TDRD3: variants seen among roughly 807,000 people sequenced by gnomAD.
TDRD3 encodes tudor domain containing 3.
Under a neutral mutation model 86.7 loss-of-function variants are expected in TDRD3, and 45 were observed. The ratio of observed to expected loss-of-function variants is 0.52; its 90% CI spans 0.41 to 0.67. The LOEUF (loss-of-function observed/expected upper bound fraction) is 0.67. TDRD3 is among the 30% of genes least tolerant of loss of function. The pLI, the probability that TDRD3 is intolerant of heterozygous loss-of-function variation, is 0.00. For missense variants in TDRD3, 814 were observed against 889.0 expected, an observed-to-expected ratio of 0.92 and a Z score of 1.07; for synonymous variants, 298 against 301.7, an observed-to-expected ratio of 0.99 and a Z score of 0.13.
intron 5 of TDRD3, among the ~76,000 whole-genome samples, chr13:60,475,520 T>C (rs1225499069): frequency 2.0e-5 from 3 of 152,210 alleles, no homozygotes; most frequent in Non-Finnish European, 2.9e-5. Context: ...ACTGATTCCA[T>C]GTCTTTGCTG....
chr13:60,528,970 G>A lies in TDRD3; in HGVS notation c.1745G>A (p.Ser582Asn), dbSNP rs1209135261. Reference protein sequence around the residue: ...TDYQNPVRSNSFIGVPNGEVE... With the variant: ...TDYQNPVRSNNFIGVPNGEVE... ...TATCAGAATCCAGTTCGAAGTAATA[G>A]TTTCATTGGTGTTCCAAATGGAGAA... The change falls in exon 11 of 14, where the codon AGT becomes AAT. Residue 582 changes from serine to asparagine, a missense_variant. Coordinates refer to ENST00000377881, the MANE Select transcript of TDRD3 (RefSeq NM_001146070.2). 1 of 1,613,882 alleles carries A rather than the reference G, an allele frequency of 6.2e-7. No homozygotes were observed. Among genetic ancestry groups the A allele is most frequent in the Admixed American group, 1.7e-5 (1 of 59,988 alleles).
intron 12 of TDRD3, 144 bp from the exon 13 acceptor site, chr13:60,567,381 C>T: frequency 2.2e-6 from 2 of 922,044 alleles, no homozygotes; most frequent in South Asian, 1.7e-5. Context: ...CTTCCCCTTG[C>T]CTCCCTCTGT....
intron 12 of TDRD3, among the ~76,000 whole-genome samples, chr13:60,562,595 CATGT>C (rs774254333): frequency 9.9e-5 from 15 of 152,096 alleles, no homozygotes; most frequent in Non-Finnish European, 2.2e-4. Flanking sequence ...ATAAGTGGTT[CATGT>C]ATGAATCACT....
chr13:60,478,456 C>T (rs1040225630), intron 5 of TDRD3, among the ~76,000 whole-genome samples: 1 of 151,900 alleles, frequency 6.6e-6, no homozygotes, highest in African/African-American at 2.4e-5. Flanking sequence ...AAGCCCGTGC[C>T]ACCACATGTG....
chr13:60,447,671 A>G (rs185836812), intron 3 of TDRD3, among the ~76,000 whole-genome samples: 110 of 152,244 alleles, frequency 7.2e-4, no homozygotes, highest in Middle Eastern at 3.4e-3. Flanking sequence ...GAATTCTACT[A>G]CTTGAGGTAG....
In TDRD3 at chr13:60,528,656, T is replaced by C. The variant is rs982090161; in HGVS notation, c.1431T>C (p.Tyr477=). 1.9e-6 allele frequency: 3 copies of C among 1,613,850 alleles called. No homozygotes were observed. Among genetic ancestry groups the C allele is most frequent in the African/African-American group, 2.7e-5 (2 of 74,908 alleles). ...RIKCDRPYSR[Y]DRTKDTSYPL... is the part of the protein sequence containing the mutation. ...AATGTGATAGACCGTATTCTAGATA[T>C]GACAGAACTAAAGATACTTCATATC... Residue 477 remains tyrosine, a synonymous_variant, in exon 11 of 14, where the codon TAT becomes TAC. Coordinates refer to ENST00000377881, the MANE Select transcript of TDRD3 (RefSeq NM_001146070.2).
intron 7 of TDRD3, among the ~76,000 whole-genome samples, chr13:60,492,994 C>T (rs1956626752): frequency 6.8e-6 from 1 of 145,996 alleles, no homozygotes; most frequent in Non-Finnish European, 1.5e-5. Flanking sequence ...TCTCGGCTCA[C>T]TGCAAGCTCC....
chr13:60,440,670 G>C (rs1955241857), intron 2 of TDRD3, among the ~76,000 whole-genome samples: 2 of 152,006 alleles, frequency 1.3e-5, no homozygotes, highest in South Asian at 2.1e-4. Flanking sequence ...AACAGAGTGA[G>C]ACTCTGTCTC....
intron 1 of TDRD3, among the ~76,000 whole-genome samples, chr13:60,430,850 A>G (rs970235582): frequency 9.2e-5 from 14 of 152,106 alleles, no homozygotes; most frequent in African/African-American, 3.1e-4. Flanking sequence ...TTTGTTGTTT[A>G]TTACCTATCT....
chr13:60,514,347 A>G (rs550491995), intron 10 of TDRD3, among the ~76,000 whole-genome samples: 1 of 152,326 alleles, frequency 6.6e-6, no homozygotes, highest in Non-Finnish European at 1.5e-5. Context: ...ACATGATAAA[A>G]GTTTGGAAAA....
chr13:60,453,375 T>C (rs930867398), intron 3 of TDRD3, among the ~76,000 whole-genome samples: 3 of 152,242 alleles, frequency 2.0e-5, no homozygotes, highest in African/African-American at 7.2e-5. Context: ...TCTACTTAGA[T>C]AAATCTGGTT....
At chr13:60,436,495 T>G (rs560004892) in intron 1 of TDRD3, among the ~76,000 whole-genome samples, 24 of 152,286 alleles carry the variant, frequency 1.6e-4, no homozygotes, top group African/African-American at 5.8e-4. Context: ...ACATGTGGCT[T>G]GCCAGTTTTC....
At chr13:60,404,182 C>T (rs1217575045) in intron 1 of TDRD3, among the ~76,000 whole-genome samples, 1 of 152,134 alleles carries the variant, frequency 6.6e-6, no homozygotes, top group African/African-American at 2.4e-5. Context: ...AAGGAAAAAA[C>T]AAGGCACTGT....
chr13:60,570,249 AGACTT>A (rs1450071868), intron 13 of TDRD3, among the ~76,000 whole-genome samples: 1 of 152,240 alleles, frequency 6.6e-6, no homozygotes, highest in East Asian at 1.9e-4. Flanking sequence ...AATGGGCAAA[AGACTT>A]GAATAGGCAT....
chr13:60,399,567 G>A lies in TDRD3; in HGVS notation c.41+2162G>A, dbSNP rs1337655605. Among the ~76,000 whole-genome samples, 6 of 152,278 alleles carry A rather than the reference G, an allele frequency of 3.9e-5. No individual in the cohort carries two copies. The South Asian group carries it at 1.2e-3, about 32-fold the overall frequency. The stretch of plus-strand genomic sequence containing the variant: ...AAATTTAGAATCACAAAGGTTTAAA[G>A]GCAGAAAAGAGCACTGGAGGGAAAA... On this transcript the variant is annotated intron_variant, in intron 1 of 13. Transcript: ENST00000377881.
intron 3 of TDRD3, among the ~76,000 whole-genome samples, chr13:60,456,817 TC>T (rs1206950550): frequency 6.6e-6 from 1 of 152,096 alleles, no homozygotes; most frequent in African/African-American, 2.4e-5. Context: ...CATCTCAGCC[TC>T]CCAAGTAGCT....
intron 1 of TDRD3, among the ~76,000 whole-genome samples, chr13:60,401,823 A>G (rs1954110789): frequency 6.6e-6 from 1 of 152,222 alleles, no homozygotes; most frequent in African/African-American, 2.4e-5. Context: ...CTCTGGCCCA[A>G]GTGCATACAT....
At chr13:60,469,443 C>T (rs1448596394) in intron 5 of TDRD3, among the ~76,000 whole-genome samples, 3 of 151,992 alleles carry the variant, frequency 2.0e-5, no homozygotes, top group African/African-American at 7.3e-5. Context: ...CATACACACA[C>T]ACACACACAC....
chr13:60,411,609 T>C (rs1954370701), intron 1 of TDRD3, among the ~76,000 whole-genome samples: 1 of 152,184 alleles, frequency 6.6e-6, no homozygotes, highest in Non-Finnish European at 1.5e-5. Context: ...TTTTCTTTTT[T>C]TTTGGTCACA....
Sources: allele counts gnomAD v4.1 joint callset (sites outside exome capture counted in the v4.1 genomes callset), GRCh38; gene constraint gnomAD v4.1.1; transcripts MANE v1.5; gene names NCBI Gene and HGNC (gene_info 2026-07-23, HGNC 2026-07-21).